The following SRR variants were observed in gnomAD, a reference collection of about 807,000 sequenced individuals.
SRR encodes D-serine ammonia-lyase.
A neutral mutation model predicts 32.7 loss-of-function variants in SRR; 19 were observed. That is an observed-to-expected ratio of 0.58 (90% CI 0.40 to 0.85). The LOEUF (loss-of-function observed/expected upper bound fraction) is 0.85, where lower values mean the gene tolerates loss of function less well. Ranked by LOEUF, SRR falls within the 40% of genes least tolerant of loss-of-function variation. The pLI is 0.00. For missense variants in SRR, 373 were observed against 404.7 expected, an observed-to-expected ratio of 0.92 and a Z score of 0.67; for synonymous variants, 142 against 140.9, an observed-to-expected ratio of 1.01 and a Z score of -0.06.
chr17:2,314,588 A>C, intron 1 of SRR, among the ~76,000 whole-genome samples: 1 of 149,770 alleles, frequency 6.7e-6, no homozygotes, highest in African/African-American at 2.4e-5. Context: ...GTCTCAAAAA[A>C]AAAAAAAAAA....
At chr17:2,319,721 T>G (rs574708270) in intron 4 of SRR, among the ~76,000 whole-genome samples, 99 of 152,268 alleles carry the variant, frequency 6.5e-4, no homozygotes, top group African/African-American at 2.2e-3. Flanking sequence ...TATATTCAAT[T>G]CAGTAGCCAA....
chr17:2,321,234 G>T (rs1050139198), intron 4 of SRR, 72 bp from the exon 5 acceptor site: 52 of 1,568,036 alleles, frequency 3.3e-5, no homozygotes, highest in Non-Finnish European at 4.3e-5. Context: ...ATAAAATGCT[G>T]AATGACCAAA....
Position 2,324,075 on chromosome 17 carries a change from G to A in SRR, c.*202G>A, listed in dbSNP as rs75933088. 518 of 1,376,752 alleles carry A rather than the reference G, an allele frequency of 3.8e-4. 3 individuals carry two copies. In the African/African-American group the frequency reaches 7.0e-3, roughly 19 times the overall value. 85.3% of individuals were successfully genotyped at this position (1,376,752 alleles called of 1,614,324 possible). A position where few individuals can be genotyped will look rare whatever the true frequency, so the allele number is the denominator to read the frequency against. Reference sequence around the variant, plus strand: ...TTTGTCAAGGCTAAAAAAAAGTCTTGCAAAATGGGGCAGTGGACTGACAGG... The same window carrying A: ...TTTGTCAAGGCTAAAAAAAAGTCTTACAAAATGGGGCAGTGGACTGACAGG... On this transcript the variant is annotated 3_prime_UTR_variant, in exon 8 of 8. Transcript: ENST00000344595.
chr17:2,315,567 G>A lies in SRR; in HGVS notation c.7G>A (p.Ala3Thr). Residue 3 changes from alanine (A) to threonine (T), a missense_variant, in exon 2 of 8, where the codon GCT becomes ACT. By Grantham distance (58) the Ala-to-Thr change is moderately conservative. Transcript: ENST00000344595. MCAQYCISFADVE... is the reference protein window; with the variant it reads MCTQYCISFADVE... ...ATTCCTGGGTTTCAGAACCATGTGT[G>A]CTCAGTATTGCATCTCCTTTGCTGA... 1.2e-6 allele frequency: 2 copies of A among 1,612,942 alleles called. No individual in the cohort carries two copies. Among genetic ancestry groups the A allele is most frequent in the Non-Finnish European group, 1.7e-6 (2 of 1,179,578 alleles).
chr17:2,320,690 T>G (rs991562982), intron 4 of SRR, among the ~76,000 whole-genome samples: 3 of 152,054 alleles, frequency 2.0e-5, no homozygotes, highest in African/African-American at 7.2e-5. Context: ...GCCACCAGAG[T>G]AGCTGGGATT....
rs1332633108 is a variant in SRR at position 2,314,532 on chromosome 17, G to A, written c.-4-1025G>A. On this transcript the variant is annotated intron_variant, in intron 1 of 7. Coordinates refer to ENST00000344595, the MANE Select transcript of SRR (RefSeq NM_021947.3). ...CGGGAGGCGGAGCTTGCAGTGAGCC[G>A]AGATCGCGCCACTGCACTCCAGCCT... Among the ~76,000 whole-genome samples, 8 of 149,298 alleles carry A rather than the reference G, an allele frequency of 5.4e-5. No individual in the cohort carries two copies. In the South Asian group the frequency reaches 1.1e-3, roughly 20 times the overall value.
At chr17:2,323,415 G>A in intron 7 of SRR, 70 bp downstream of exon 7, 1 of 1,572,252 alleles carries the variant, frequency 6.4e-7, no homozygotes, top group East Asian at 2.2e-5. Flanking sequence ...ACTTCCCTTA[G>A]GAGTAGCAAG....
chr17:2,323,059 C>T (rs2075546727), intron 6 of SRR, 77 bp from the exon 7 acceptor site: 3 of 1,467,456 alleles, frequency 2.0e-6, no homozygotes, highest in Admixed American at 1.7e-5. Context: ...GCCACCACAC[C>T]AGGCCCATAT....
chr17:2,315,396 A>G (rs2075465263), intron 1 of SRR, 161 bp from the exon 2 acceptor site: 1 of 655,702 alleles, frequency 1.5e-6, no homozygotes, highest in East Asian at 3.1e-5. Context: ...TCAGCTTTTA[A>G]GTCAACTCTC....
intron 4 of SRR, among the ~76,000 whole-genome samples, chr17:2,320,405 G>A (rs1332705104): frequency 6.6e-6 from 1 of 151,342 alleles, no homozygotes; most frequent in African/African-American, 2.4e-5. Flanking sequence ...ACAGGCGCGT[G>A]CCACCATGCC....
intron 1 of SRR, among the ~76,000 whole-genome samples, chr17:2,314,168 A>G (rs1208193321): frequency 6.6e-6 from 1 of 152,130 alleles, no homozygotes; most frequent in Non-Finnish European, 1.5e-5. Context: ...ATGCAGAAGG[A>G]GCCGGGCGCA....
intron 3 of SRR, 131 bp downstream of exon 3, chr17:2,318,127 T>C (rs1234846754): frequency 1.8e-6 from 2 of 1,093,214 alleles, no homozygotes. Flanking sequence ...GCAAGCAATA[T>C]GAACATAAGT....
At chr17:2,303,843 T>G, upstream of SRR, 7 of 659,020 alleles carry the variant, frequency 1.1e-5, no homozygotes, top group Non-Finnish European at 6.7e-6. Context: ...CCTGCCGCCC[T>G]CCCTTTCCGA....
chr17:2,303,516 T>G (rs1316601412), upstream of SRR: 112 of 1,332,736 alleles, frequency 8.4e-5, no homozygotes, highest in Non-Finnish European at 1.1e-4. Flanking sequence ...CAGCGCCTAC[T>G]GCTGGGGGAA....
chr17:2,316,990 G>A (rs2075479366), intron 2 of SRR, among the ~76,000 whole-genome samples: 1 of 149,526 alleles, frequency 6.7e-6, no homozygotes, highest in Non-Finnish European at 1.5e-5. Context: ...CCAAAGTGCT[G>A]GGATTACTGG....
intron 1 of SRR, among the ~76,000 whole-genome samples, chr17:2,313,932 C>A (rs1006994178): frequency 2.6e-5 from 4 of 152,018 alleles, no homozygotes; most frequent in Non-Finnish European, 5.9e-5. Flanking sequence ...TTTTCATGTT[C>A]TTTTTGTATC....
chr17:2,321,915 T>A (rs2075532441), intron 6 of SRR, among the ~76,000 whole-genome samples: 1 of 152,110 alleles, frequency 6.6e-6, no homozygotes, highest in African/African-American at 2.4e-5. Context: ...GTAGCTGGGA[T>A]TACAGGCATG....
Position 2,315,547 on chromosome 17 carries a change from T to C in SRR, c.-4-10T>C. On this transcript the variant is annotated splice_polypyrimidine_tract_variant and intron_variant, in intron 1 of 7. Coordinates refer to ENST00000344595, the MANE Select transcript of SRR (RefSeq NM_021947.3). ...TTTGCTTTGACCCCTTTCTTATTCC[T>C]GGGTTTCAGAACCATGTGTGCTCAG... 6.2e-7 allele frequency: 1 copy of C among 1,601,758 alleles called. No homozygotes were observed. The highest frequency in any genetic ancestry group is 8.5e-7 in the Non-Finnish European group (1 of 1,175,212).
At chr17:2,304,730 G>T (rs966760871) in intron 1 of SRR, among the ~76,000 whole-genome samples, 1 of 151,564 alleles carries the variant, frequency 6.6e-6, no homozygotes, top group African/African-American at 2.4e-5. Context: ...ACTCCAGCCC[G>T]GGAGTCTCCA....
Sources: gnomAD v4.1 joint callset for allele counts (sites outside exome capture counted in the v4.1 genomes callset) on GRCh38, gnomAD v4.1.1 for gene constraint, MANE v1.5 for transcripts, NCBI Gene and HGNC (gene_info 2026-07-23, HGNC 2026-07-21) for gene names.